CSMD3: variants seen among roughly 807,000 people sequenced by gnomAD.
CSMD3 encodes CUB and sushi domain-containing protein 3.
A neutral mutation model predicts 435.2 loss-of-function variants in CSMD3; 177 were observed. That is an observed-to-expected ratio of 0.41 (90% CI 0.36 to 0.46). CSMD3 has a LOEUF of 0.46. CSMD3 is among the 20% of genes least tolerant of loss of function. CSMD3 has a pLI of 0.34. For missense variants in CSMD3, 4,265 were observed against 4,504.6 expected (o/e 0.95, Z 1.52); for synonymous variants, 1,656 against 1,520.5 (o/e 1.09, Z -2.07).
rs11997996 is a variant in CSMD3, at chr8:112,859,325, T to A, written c.1634-59A>T. 4.6e-5 allele frequency: 65 copies of A among 1,399,710 alleles called. No individual in the cohort carries two copies. The African/African-American group carries it at 7.8e-4, about 17-fold the overall frequency. 86.7% of individuals were successfully genotyped at this position (1,399,710 alleles called of 1,614,324 possible). ...TATGTCACATGTAAAATTACAACAA[T>A]AAAATATCTTGCAAATAGACTTTAC... On this transcript the variant is annotated intron_variant, in intron 10 of 70. Transcript: ENST00000297405.
At chr8:112,604,231 G>A (rs768081047) in intron 22 of CSMD3, among the ~76,000 whole-genome samples, 8 of 152,146 alleles carry the variant, frequency 5.3e-5, no homozygotes, top group Non-Finnish European at 1.2e-4. Flanking sequence ...TTGCAGTAGA[G>A]TTTGAAGCCA....
intron 13 of CSMD3, among the ~76,000 whole-genome samples, chr8:112,749,448 T>C (rs1237566701): frequency 6.6e-6 from 1 of 152,076 alleles, no homozygotes; most frequent in Non-Finnish European, 1.5e-5. Flanking sequence ...AGCCTTTCTA[T>C]TTAATAAATG....
intron 3 of CSMD3, among the ~76,000 whole-genome samples, chr8:113,189,508 G>A (rs1025414380): frequency 6.6e-6 from 1 of 151,674 alleles, no homozygotes; most frequent in African/African-American, 2.4e-5. Flanking sequence ...AAGTATTACT[G>A]GACTTTCTTA....
chr8:112,533,883 C>T (rs146428562), intron 27 of CSMD3, among the ~76,000 whole-genome samples: 3 of 152,036 alleles, frequency 2.0e-5, no homozygotes, highest in African/African-American at 7.2e-5. Context: ...CAAAACAAGT[C>T]TTGACAAATT....
intron 13 of CSMD3, among the ~76,000 whole-genome samples, chr8:112,724,044 CATAAT>C (rs143631804): frequency 0.017 from 2,650 of 151,558 alleles, 75 homozygotes; most frequent in African/African-American, 0.061. Flanking sequence ...ATTAAACAGA[CATAAT>C]AAAATTATAT....
chr8:112,330,593 C>G (rs962819839), intron 45 of CSMD3, among the ~76,000 whole-genome samples: 1 of 151,978 alleles, frequency 6.6e-6, no homozygotes, highest in Non-Finnish European at 1.5e-5. Context: ...ATTTTAGAAA[C>G]TATAAAGAAT....
intron 22 of CSMD3, among the ~76,000 whole-genome samples, chr8:112,589,955 T>A (rs1318798728): frequency 1.3e-5 from 2 of 152,136 alleles, no homozygotes; most frequent in Admixed American, 6.6e-5. Flanking sequence ...TTCAGTCAGG[T>A]GCTATAAGGA....
Position 112,224,665 on chromosome 8 carries a change from C to T in CSMD3, c.*106G>A, listed in dbSNP as rs1008757901. ...GTATCATTCCTCAGGAAAAGGTGAC[C>T]CAGCAAGTCCTGAAAAGTGTGCTTT... On this transcript the variant is annotated 3_prime_UTR_variant, in exon 71 of 71. Coordinates refer to ENST00000297405, the MANE Select transcript of CSMD3 (RefSeq NM_198123.2). 1 of 1,103,692 alleles carries T rather than the reference C, an allele frequency of 9.1e-7. No homozygotes were observed. Among genetic ancestry groups the T allele is most frequent in the East Asian group, 2.4e-5 (1 of 42,390 alleles). 68.4% of individuals were successfully genotyped at this position (1,103,692 alleles called of 1,614,324 possible). A position where few individuals can be genotyped will look rare whatever the true frequency, so the allele number is the denominator to read the frequency against.
In CSMD3 at chr8:112,482,020, T is replaced by A. The variant is rs902906712; in HGVS notation, c.5279-9313A>T. Among the ~76,000 whole-genome samples, 4 of 152,008 alleles carry A rather than the reference T, an allele frequency of 2.6e-5. No individual in the cohort carries two copies. In the South Asian group the frequency reaches 6.2e-4, roughly 24 times the overall value. On this transcript the variant is annotated intron_variant, in intron 31 of 70. Coordinates refer to ENST00000297405, the MANE Select transcript of CSMD3 (RefSeq NM_198123.2). ...TCTTTTTAATACTAAAAAAAAAAAA[T>A]TCCATATCAGTGTGGTAATCAGTGG...
At chr8:112,472,806 T>C (rs188406890) in intron 31 of CSMD3, 99 bp from the exon 32 acceptor site, 5 of 712,502 alleles carry the variant, frequency 7.0e-6, no homozygotes, top group Non-Finnish European at 1.3e-5. Context: ...GCTAATGGAA[T>C]TTAAGGTGTA....
At chr8:113,188,864 TAAAC>T (rs1367145426) in intron 3 of CSMD3, among the ~76,000 whole-genome samples, 1 of 151,894 alleles carries the variant, frequency 6.6e-6, no homozygotes, top group Non-Finnish European at 1.5e-5. Flanking sequence ...TTGGGTTACT[TAAAC>T]AAATTAATAG....
intron 1 of CSMD3, among the ~76,000 whole-genome samples, chr8:113,354,319 A>T (rs2132934230): frequency 6.6e-6 from 1 of 152,358 alleles, no homozygotes; most frequent in African/African-American, 2.4e-5. Context: ...AAAGTATATA[A>T]AAAGTCAGTT....
intron 12 of CSMD3, among the ~76,000 whole-genome samples, chr8:112,806,289 T>C (rs1244267522): frequency 6.6e-6 from 1 of 152,218 alleles, no homozygotes; most frequent in Non-Finnish European, 1.5e-5. Flanking sequence ...TGCTTTGCTA[T>C]GAAAATAAAG....
At chr8:113,131,922 T>C (rs2091293978) in intron 4 of CSMD3, among the ~76,000 whole-genome samples, 1 of 152,210 alleles carries the variant, frequency 6.6e-6, no homozygotes, top group Non-Finnish European at 1.5e-5. Context: ...CTCAAATTCC[T>C]GGCCTCAAGC....
intron 59 of CSMD3, among the ~76,000 whole-genome samples, chr8:112,273,894 C>T (rs1364187251): frequency 1.3e-5 from 2 of 148,210 alleles, no homozygotes; most frequent in African/African-American, 5.0e-5. Flanking sequence ...CCAGTCATTA[C>T]TGCTCTATAA....
chr8:112,521,519 C>A (rs1349657256), intron 27 of CSMD3, among the ~76,000 whole-genome samples: 1 of 151,848 alleles, frequency 6.6e-6, no homozygotes, highest in African/African-American at 2.4e-5. Context: ...CTTTTGGTAT[C>A]TTTTGCTTTT....
At chr8:113,285,261 C>CTTTTT (rs11420062) in intron 2 of CSMD3, among the ~76,000 whole-genome samples, 2 of 128,178 alleles carry the variant, frequency 1.6e-5, no homozygotes, top group Non-Finnish European at 1.6e-5. Flanking sequence ...TTGGTGACAG[C>CTTTTT]TTTTTTTTTT....
Position 113,270,808 on chromosome 8 carries a change from C to T in CSMD3, c.514+7784G>A, listed in dbSNP as rs183117036. On this transcript the variant is annotated intron_variant, in intron 3 of 70. Transcript: ENST00000297405. ...CTTGGACACAGGAAGGGGGACATCACGCACCGGGGCCTGTTGTGGGGTGGG... is the reference window on the plus strand; with the variant it reads ...CTTGGACACAGGAAGGGGGACATCATGCACCGGGGCCTGTTGTGGGGTGGG... 3.8e-4 allele frequency among the ~76,000 whole-genome samples: 57 copies of T among 150,414 alleles called. No individual in the cohort carries two copies. In the South Asian group the frequency reaches 7.4e-3, roughly 20 times the overall value.
At chr8:112,601,422 T>A (rs1444133735) in intron 22 of CSMD3, among the ~76,000 whole-genome samples, 1 of 152,148 alleles carries the variant, frequency 6.6e-6, no homozygotes, top group Non-Finnish European at 1.5e-5. Flanking sequence ...AACCCCTTCA[T>A]GATATTTCCA....
Sources: allele counts gnomAD v4.1 joint callset (sites outside exome capture counted in the v4.1 genomes callset), GRCh38; gene constraint gnomAD v4.1.1; transcripts MANE v1.5; gene names NCBI Gene and HGNC (gene_info 2026-07-23, HGNC 2026-07-21).